The following NOS1 variants were observed in gnomAD, a reference collection of about 807,000 sequenced individuals.
NOS1 encodes the protein nitric oxide synthase 1, also known as NOS type I.
NOS1 carries 51 observed loss-of-function variants against 164.5 expected under a neutral mutation model. The observed-to-expected ratio is 0.31, with a 90% CI of 0.25 to 0.39. The LOEUF (loss-of-function observed/expected upper bound fraction) is 0.39. Among genes scored for constraint, NOS1 ranks in the 10% least tolerant of loss-of-function variants. NOS1 has a pLI of 1.00. For missense variants in NOS1, 1,362 were observed against 1,885.6 expected (o/e 0.72, Z 5.14); for synonymous variants, 719 against 745.8 (o/e 0.96, Z 0.59).
At position 117,213,978 on chromosome 12, in the gene NOS1, A is replaced by G. The variant is rs918872947; in HGVS notation, c.*1331T>C. 12 of 985,286 alleles carry G rather than the reference A, an allele frequency of 1.2e-5. No homozygotes were observed. Among genetic ancestry groups the G allele is most frequent in the Non-Finnish European group, 6.0e-6 (5 of 829,932 alleles). 61.0% of individuals were successfully genotyped at this position (985,286 alleles called of 1,614,324 possible). A position where few individuals can be genotyped will look rare whatever the true frequency, so the allele number is the denominator to read the frequency against. On this transcript the variant is annotated 3_prime_UTR_variant, in exon 29 of 29. Coordinates refer to ENST00000317775, the MANE Select transcript of NOS1 (RefSeq NM_000620.5). ...CCATTTTTGATCTGAGTTGAGGGTA[A>G]CTTATTTGTCAAAATTAATTTAACA... is the stretch of plus-strand genomic sequence containing the variant.
chr12:117,218,656 C>T (rs954463515), intron 27 of NOS1, among the ~76,000 whole-genome samples: 3 of 151,990 alleles, frequency 2.0e-5, no homozygotes, highest in South Asian at 2.1e-4. Context: ...CGTGGGCATG[C>T]GTGAGTTTTT....
chr12:117,263,879 C>A lies in NOS1; in HGVS notation c.2222+10G>T. 6.2e-7 allele frequency: 1 copy of A among 1,612,348 alleles called. No homozygotes were observed. The highest frequency in any genetic ancestry group is 1.3e-5 in the African/African-American group (1 of 74,960). On this transcript the variant is annotated intron_variant, in intron 13 of 28. Coordinates refer to ENST00000317775, the MANE Select transcript of NOS1 (RefSeq NM_000620.5). ...ACATCCACCCCACCCGCCCACTGCA[C>A]GAAACTTACTCTGCTAGCTTCTTGA...
intron 10 of NOS1, among the ~76,000 whole-genome samples, chr12:117,269,460 ATTTGTTT>A (rs1872649864): frequency 9.1e-6 from 1 of 110,048 alleles, no homozygotes; most frequent in Non-Finnish European, 1.7e-5. Context: ...ATCTCTGGAG[ATTTGTTT>A]TTTTTTTTTT....
At chr12:117,250,130 C>T (rs1009258325) in intron 17 of NOS1, among the ~76,000 whole-genome samples, 1 of 152,058 alleles carries the variant, frequency 6.6e-6, no homozygotes, top group Non-Finnish European at 1.5e-5. Flanking sequence ...AAGGCACCCT[C>T]CATCATTGGA....
intron 11 of NOS1, among the ~76,000 whole-genome samples, chr12:117,266,589 G>A (rs1230545682): frequency 6.6e-6 from 1 of 150,668 alleles, no homozygotes; most frequent in Non-Finnish European, 1.5e-5. Context: ...CCAGACTGGA[G>A]TGCAGTGGTG....
intron 1 of NOS1, among the ~76,000 whole-genome samples, chr12:117,360,345 T>C (rs540318222): frequency 1.0e-3 from 155 of 152,140 alleles, no homozygotes; most frequent in African/African-American, 3.6e-3. Flanking sequence ...GGCCCCTGAG[T>C]GGCCCTGGAA....
At chr12:117,331,729 A>T (rs1875556995) in intron 1 of NOS1, among the ~76,000 whole-genome samples, 1 of 152,226 alleles carries the variant, frequency 6.6e-6, no homozygotes, top group South Asian at 2.1e-4. Context: ...CTCTGGGACA[A>T]AAGGGTCTCC....
At chr12:117,262,873 C>CT (rs1413168306) in intron 13 of NOS1, among the ~76,000 whole-genome samples, 1 of 152,128 alleles carries the variant, frequency 6.6e-6, no homozygotes, top group African/African-American at 2.4e-5. Flanking sequence ...AGGAAAATCA[C>CT]TCCTCAGTAG....
chr12:117,220,354 G>A (rs1956683849), intron 26 of NOS1, 85 bp from the exon 27 acceptor site: 5 of 1,348,718 alleles, frequency 3.7e-6, no homozygotes, highest in Non-Finnish European at 5.0e-6. Flanking sequence ...AGCAGAGCCT[G>A]ACTCAGGGGC....
intron 1 of NOS1, among the ~76,000 whole-genome samples, chr12:117,333,530 TG>T (rs770311713): frequency 2.0e-5 from 3 of 151,768 alleles, no homozygotes; most frequent in South Asian, 2.1e-4. Flanking sequence ...ATCCCCTCAA[TG>T]GGGGGGTGTG....
At chr12:117,269,445 G>T (rs1053926143) in intron 10 of NOS1, among the ~76,000 whole-genome samples, 1 of 149,768 alleles carries the variant, frequency 6.7e-6, no homozygotes, top group Non-Finnish European at 1.5e-5. Flanking sequence ...GGCCCAGGGG[G>T]CAGGATCTCT....
At chr12:117,263,804 G>T in intron 13 of NOS1, 85 bp downstream of exon 13, 1 of 988,096 alleles carries the variant, frequency 1.0e-6, no homozygotes, top group Non-Finnish European at 1.6e-6. Flanking sequence ...AGGTCAGAGG[G>T]CACAGGAGTC....
In NOS1 at chr12:117,208,837, C is replaced by T. The variant is rs566127191; in HGVS notation, c.*6472G>A. The T allele has an allele frequency of 9.8e-6, 7 of 714,582 alleles. No individual in the cohort carries two copies. In the African/African-American group the frequency reaches 1.1e-4, roughly 12 times the overall value. 44.3% of individuals were successfully genotyped at this position (714,582 alleles called of 1,614,324 possible). A position where few individuals can be genotyped will look rare whatever the true frequency, so the allele number is the denominator to read the frequency against. On this transcript the variant is annotated 3_prime_UTR_variant, in exon 29 of 29. Coordinates refer to ENST00000317775, the MANE Select transcript of NOS1 (RefSeq NM_000620.5). Reference sequence around the variant, plus strand: ...TCCTGGGTTCAAGTAATTCTCCTGCCTCAGCCTCCCGAGTAGATGGGATTA... The same window carrying T: ...TCCTGGGTTCAAGTAATTCTCCTGCTTCAGCCTCCCGAGTAGATGGGATTA...
At chr12:117,264,775 A>G (rs978005212) in intron 12 of NOS1, among the ~76,000 whole-genome samples, 7 of 149,066 alleles carry the variant, frequency 4.7e-5, no homozygotes, top group Admixed American at 3.4e-4. Flanking sequence ...GCTGGAGTTC[A>G]GTGGCTTGAT....
chr12:117,239,504 G>A (rs1869992313), intron 20 of NOS1, among the ~76,000 whole-genome samples: 1 of 152,204 alleles, frequency 6.6e-6, no homozygotes, highest in Admixed American at 6.5e-5. Context: ...GGTGACTGCG[G>A]TCACTTTTCT....
chr12:117,256,083 G>A (rs770457561), intron 16 of NOS1: 37 of 1,126,890 alleles, frequency 3.3e-5, no homozygotes, highest in Non-Finnish European at 4.2e-5. Context: ...TGAAGGAGGG[G>A]TGAGAGGGAA....
At chr12:117,290,555 G>A (rs1872981178) in intron 3 of NOS1, 129 bp from the exon 4 acceptor site, 1 of 1,144,318 alleles carries the variant, frequency 8.7e-7, no homozygotes. Context: ...TCTACATCCA[G>A]AGTAAGATCC....
At chr12:117,286,532 C>T (rs554705106) in intron 5 of NOS1, among the ~76,000 whole-genome samples, 1 of 152,122 alleles carries the variant, frequency 6.6e-6, no homozygotes, top group Non-Finnish European at 1.5e-5. Context: ...AGCGGGCAGC[C>T]ACGGCTCCAC....
rs1566042530 is a variant in NOS1, at chr12:117,256,282, C to CTTTTTTT, written c.2531+2114_2531+2115insAAAAAAA. On this transcript the variant is annotated intron_variant, in intron 16 of 28. Transcript: ENST00000317775. ...CACAAAGAAAATCAGAAGGGATTTT[C>CTTTTTTT]TGTTTTTTTTTTTTGAGACGGAGTC... Among the ~76,000 whole-genome samples, 4 of 76,794 alleles carry CTTTTTTT rather than the reference C, an allele frequency of 5.2e-5. No homozygotes were observed. The South Asian group carries it at 1.1e-3, about 21-fold the overall frequency. 50.4% of individuals were successfully genotyped at this position (76,794 alleles called of 152,430 possible). A position where few individuals can be genotyped will look rare whatever the true frequency, so the allele number is the denominator to read the frequency against.
Sources: allele counts gnomAD v4.1 joint callset (sites outside exome capture counted in the v4.1 genomes callset), GRCh38; gene constraint gnomAD v4.1.1; transcripts MANE v1.5; gene names NCBI Gene and HGNC (gene_info 2026-07-23, HGNC 2026-07-21).